The following ITPR2 variants were observed in gnomAD, a reference collection of about 807,000 sequenced individuals.
The protein encoded by ITPR2 is inositol 1,4,5-trisphosphate receptor type 2.
ITPR2 carries 207 observed loss-of-function variants against 317.1 expected under a neutral mutation model. The ratio of observed to expected loss-of-function variants is 0.65; its 90% CI spans 0.58 to 0.73. The LOEUF (loss-of-function observed/expected upper bound fraction) is 0.73. Among genes scored for constraint, ITPR2 ranks in the 30% least tolerant of loss-of-function variants. The pLI is 0.00. For synonymous variants in ITPR2, 1,156 were observed against 1,149.1 expected (o/e 1.01, Z -0.12); for missense variants, 2,613 against 3,284.0 (o/e 0.80, Z 4.99).
At position 26,766,518 on chromosome 12, in the gene ITPR2, G is replaced by A. The variant is rs576671071; in HGVS notation, c.163+23639C>T. The stretch of plus-strand genomic sequence containing the variant: ...AGTTCCTTATATATTCTAGATTCAA[G>A]TCCCTTACCAGATAAATTATTTGGA... On this transcript the variant is annotated intron_variant, in intron 2 of 56. Transcript: ENST00000381340. Among the ~76,000 whole-genome samples, 4 of 152,088 alleles carry A rather than the reference G, an allele frequency of 2.6e-5. No individual in the cohort carries two copies. In the East Asian group the frequency reaches 7.7e-4, roughly 29 times the overall value.
intron 1 of ITPR2, among the ~76,000 whole-genome samples, chr12:26,807,050 A>G (rs538223887): frequency 6.6e-6 from 1 of 152,212 alleles, no homozygotes; most frequent in South Asian, 2.1e-4. Flanking sequence ...TTAGCCAGGC[A>G]TGGTGGTGCA....
rs1367644054 is a variant in ITPR2, at chr12:26,346,647, C to G, written c.7858-6319G>C. 2.0e-5 allele frequency among the ~76,000 whole-genome samples: 3 copies of G among 151,670 alleles called. No individual in the cohort carries two copies. In the East Asian group the frequency reaches 5.8e-4, roughly 29 times the overall value. On this transcript the variant is annotated intron_variant, in intron 55 of 56. Coordinates refer to ENST00000381340, the MANE Select transcript of ITPR2 (RefSeq NM_002223.4). ...TCAAAAAAAAAAAAAATCAGCTGTG[C>G]TATGTTTTCATATTTAGTTCTTAAA...
intron 26 of ITPR2, among the ~76,000 whole-genome samples, chr12:26,616,417 A>G (rs7137795): frequency 0.36 from 54,228 of 151,914 alleles, 10,701 homozygotes; most frequent in African/African-American, 0.53. Flanking sequence ...GATTACAGGC[A>G]TGAGCCACCG....
intron 9 of ITPR2, among the ~76,000 whole-genome samples, chr12:26,708,971 T>A (rs1250323360): frequency 6.6e-6 from 1 of 152,200 alleles, no homozygotes; most frequent in East Asian, 1.9e-4. Context: ...AAACGTGTAA[T>A]CATTGCTTCT....
intron 2 of ITPR2, among the ~76,000 whole-genome samples, chr12:26,784,008 AATAT>A (rs1950143587): frequency 1.3e-5 from 2 of 151,006 alleles, no homozygotes; most frequent in African/African-American, 2.4e-5. Context: ...AAGCTGGTGA[AATAT>A]GACTGAAGTC....
At chr12:26,356,826 T>C (rs1938656035) in intron 55 of ITPR2, among the ~76,000 whole-genome samples, 1 of 152,206 alleles carries the variant, frequency 6.6e-6, no homozygotes, top group Admixed American at 6.5e-5. Flanking sequence ...GGATTACAGG[T>C]GTGAGCCACT....
chr12:26,705,705 C>T (rs901710293), intron 9 of ITPR2, among the ~76,000 whole-genome samples: 1 of 152,150 alleles, frequency 6.6e-6, no homozygotes, highest in Admixed American at 6.5e-5. Flanking sequence ...TGAATGACAT[C>T]GCTAGTTCTC....
intron 34 of ITPR2, among the ~76,000 whole-genome samples, chr12:26,570,801 C>T (rs59393614): frequency 0.02 from 3,047 of 152,126 alleles, 96 homozygotes; most frequent in African/African-American, 0.061. Flanking sequence ...TTCAAATAAA[C>T]GAATCAACTG....
chr12:26,677,022 G>A (rs1947922637), intron 13 of ITPR2, among the ~76,000 whole-genome samples: 1 of 151,800 alleles, frequency 6.6e-6, no homozygotes, highest in South Asian at 2.1e-4. Context: ...CATGGGAGGG[G>A]GAAAATAATA....
At chr12:26,672,066 T>C (rs551814183) in intron 13 of ITPR2, among the ~76,000 whole-genome samples, 2 of 152,104 alleles carry the variant, frequency 1.3e-5, no homozygotes, top group Admixed American at 6.5e-5. Context: ...CTGAGTGACC[T>C]ACAAAGAGAC....
intron 37 of ITPR2, among the ~76,000 whole-genome samples, chr12:26,522,849 G>GA (rs1412969695): frequency 2.0e-5 from 3 of 152,280 alleles, no homozygotes; most frequent in South Asian, 4.1e-4. Context: ...GGCGGGGGGG[G>GA]AACCCCACAA....
At chr12:26,483,940 C>T in intron 41 of ITPR2, 42 bp from the exon 42 acceptor site, 1 of 1,525,558 alleles carries the variant, frequency 6.6e-7, no homozygotes, top group Non-Finnish European at 9.1e-7. Flanking sequence ...TACAAAAATT[C>T]ACTGTGCTGA....
intron 42 of ITPR2, among the ~76,000 whole-genome samples, chr12:26,483,072 C>T (rs141141515): frequency 2.0e-5 from 3 of 152,290 alleles, no homozygotes; most frequent in Admixed American, 1.3e-4. Context: ...TCTACTCCCA[C>T]AATATATCCT....
chr12:26,482,527 A>C (rs1266192539), intron 42 of ITPR2, among the ~76,000 whole-genome samples: 1 of 152,228 alleles, frequency 6.6e-6, no homozygotes, highest in Non-Finnish European at 1.5e-5. Context: ...AACAAAACCA[A>C]ATCTCTGAAT....
At chr12:26,793,574 T>C (rs1950379605) in intron 1 of ITPR2, among the ~76,000 whole-genome samples, 2 of 152,220 alleles carry the variant, frequency 1.3e-5, no homozygotes, top group South Asian at 4.1e-4. Context: ...TGTATATATA[T>C]ATGCAACATC....
intron 2 of ITPR2, among the ~76,000 whole-genome samples, chr12:26,758,316 A>G (rs990874842): frequency 6.6e-6 from 1 of 152,244 alleles, no homozygotes; most frequent in African/African-American, 2.4e-5. Context: ...AGAAATAACA[A>G]AATACTACCT....
chr12:26,497,155 CTTT>C (rs573079284), intron 37 of ITPR2, among the ~76,000 whole-genome samples: 2 of 134,376 alleles, frequency 1.5e-5, no homozygotes, highest in Non-Finnish European at 1.6e-5. Flanking sequence ...ATTTCTCTCT[CTTT>C]TTTTTTTTTT....
At chr12:26,793,227 G>A (rs1267971901) in intron 1 of ITPR2, among the ~76,000 whole-genome samples, 1 of 152,102 alleles carries the variant, frequency 6.6e-6, no homozygotes, top group Non-Finnish European at 1.5e-5. Flanking sequence ...TGGTCTATGA[G>A]AAGAAAATCA....
At chr12:26,516,250 A>AGGAAAGGAAGGGAAG (rs1943493992) in intron 37 of ITPR2, among the ~76,000 whole-genome samples, 1 of 34,664 alleles carries the variant, frequency 2.9e-5, no homozygotes, top group South Asian at 1.5e-3. Flanking sequence ...AGGAAAGGAA[A>AGGAAAGGAAGGGAAG]GGAAAGGAAA....
Sources: gnomAD v4.1 joint callset for allele counts (sites outside exome capture counted in the v4.1 genomes callset) on GRCh38, gnomAD v4.1.1 for gene constraint, MANE v1.5 for transcripts, NCBI Gene and HGNC (gene_info 2026-07-23, HGNC 2026-07-21) for gene names.